ROBO1: variants seen among roughly 807,000 people sequenced by gnomAD.
ROBO1 encodes the protein roundabout guidance receptor 1.
Under a neutral mutation model 195.9 loss-of-function variants are expected in ROBO1, and 149 were observed. The ratio of observed to expected loss-of-function variants is 0.76; its 90% CI spans 0.67 to 0.87. The LOEUF is 0.87. Among genes scored for constraint, ROBO1 ranks in the 40% least tolerant of loss-of-function variants. ROBO1 has a pLI of 0.00. For missense variants in ROBO1, 1,933 were observed against 2,068.3 expected, an observed-to-expected ratio of 0.93 and a Z score of 1.27; for synonymous variants, 816 against 733.2, an observed-to-expected ratio of 1.11 and a Z score of -1.82.
chr3:79,372,197 A>G (rs2036220347), intron 2 of ROBO1, among the ~76,000 whole-genome samples: 1 of 130,122 alleles, frequency 7.7e-6, no homozygotes, highest in South Asian at 2.7e-4. Context: ...CCCCTGTTCT[A>G]GCATTCTTTT....
chr3:78,617,517 A>AC (rs1431246865), intron 27 of ROBO1, 118 bp downstream of exon 27: 2 of 1,136,780 alleles, frequency 1.8e-6, no homozygotes, highest in East Asian at 2.7e-5. Flanking sequence ...AAAAAAAAAA[A>AC]AAAACTGTAA....
chr3:79,053,655 G>C (rs2078747026), intron 3 of ROBO1, among the ~76,000 whole-genome samples: 2 of 151,646 alleles, frequency 1.3e-5, no homozygotes, highest in South Asian at 4.2e-4. Flanking sequence ...GTACGCTTCT[G>C]CTCCTTCTGC....
intron 2 of ROBO1, among the ~76,000 whole-genome samples, chr3:79,200,650 C>T (rs2081745794): frequency 6.6e-6 from 1 of 151,696 alleles, no homozygotes; most frequent in African/African-American, 2.4e-5. Flanking sequence ...GCAACAAAAG[C>T]ACACAAAAAT....
intron 1 of ROBO1, 38 bp from the exon 2 acceptor site, chr3:79,589,999 G>T: frequency 1.2e-6 from 1 of 846,842 alleles, no homozygotes; most frequent in Non-Finnish European, 1.9e-6. Context: ...GTAATGGTTA[G>T]CTATGCTGAG....
intron 10 of ROBO1, among the ~76,000 whole-genome samples, chr3:78,674,521 A>G (rs2107743085): frequency 6.6e-6 from 1 of 152,346 alleles, no homozygotes; most frequent in East Asian, 1.9e-4. Context: ...AAAGCAAACA[A>G]AACTTAAAAA....
chr3:79,597,566 T>C (rs967285403), intron 1 of ROBO1, among the ~76,000 whole-genome samples: 1 of 152,036 alleles, frequency 6.6e-6, no homozygotes, highest in African/African-American at 2.4e-5. Context: ...TTCATATGTA[T>C]TTAGGAAACT....
chr3:79,190,189 G>A (rs146867951), intron 2 of ROBO1, among the ~76,000 whole-genome samples: 1 of 151,590 alleles, frequency 6.6e-6, no homozygotes, highest in African/African-American at 2.4e-5. Context: ...GTTCAGAAAT[G>A]CATTCTGATT....
At chr3:79,752,613 G>T (rs1704180061) in intron 1 of ROBO1, among the ~76,000 whole-genome samples, 1 of 152,086 alleles carries the variant, frequency 6.6e-6, no homozygotes, top group Non-Finnish European at 1.5e-5. Flanking sequence ...TATTCTGCAG[G>T]CAGTAAAGCA....
At chr3:79,352,660 C>T (rs1419952118) in intron 2 of ROBO1, among the ~76,000 whole-genome samples, 1 of 152,136 alleles carries the variant, frequency 6.6e-6, no homozygotes, top group South Asian at 2.1e-4. Context: ...ACACTCTGTT[C>T]CCTCCACCCA....
intron 2 of ROBO1, among the ~76,000 whole-genome samples, chr3:79,172,057 A>G (rs1250558683): frequency 6.6e-6 from 1 of 152,162 alleles, no homozygotes; most frequent in African/African-American, 2.4e-5. Flanking sequence ...AATCAAGCCA[A>G]AAGGGAGACT....
intron 3 of ROBO1, among the ~76,000 whole-genome samples, chr3:78,992,816 T>A (rs995223678): frequency 6.6e-6 from 1 of 152,168 alleles, no homozygotes; most frequent in Non-Finnish European, 1.5e-5. Flanking sequence ...AATTCAAGCA[T>A]GTCTGTGTAC....
At chr3:79,756,374 A>ACCC (rs1704396796) in intron 1 of ROBO1, among the ~76,000 whole-genome samples, 1 of 151,978 alleles carries the variant, frequency 6.6e-6, no homozygotes. Context: ...ACAAGGTGAA[A>ACCC]CCCTGTCTCT....
chr3:78,870,460 T>A (rs956697301), intron 4 of ROBO1, among the ~76,000 whole-genome samples: 2 of 152,194 alleles, frequency 1.3e-5, no homozygotes, highest in African/African-American at 4.8e-5. Context: ...CACACAGTAT[T>A]CTCAGAAGGA....
intron 10 of ROBO1, among the ~76,000 whole-genome samples, chr3:78,671,697 C>T (rs7653782): frequency 0.3 from 44,810 of 151,702 alleles, 7,194 homozygotes; most frequent in African/African-American, 0.42. Context: ...TCTTGGTTAC[C>T]AGGGTGAAAT....
At chr3:79,372,051 C>A (rs1272108247) in intron 2 of ROBO1, among the ~76,000 whole-genome samples, 1 of 151,978 alleles carries the variant, frequency 6.6e-6, no homozygotes, top group Non-Finnish European at 1.5e-5. Flanking sequence ...AATCTAGTGC[C>A]GCAGCTGATC....
chr3:78,676,183 C>T (rs1263010754), intron 10 of ROBO1, among the ~76,000 whole-genome samples: 1 of 152,144 alleles, frequency 6.6e-6, no homozygotes, highest in Admixed American at 6.5e-5. Context: ...TATACATCAC[C>T]ATCATCAAAG....
intron 8 of ROBO1, among the ~76,000 whole-genome samples, chr3:78,707,545 G>A (rs2081581989): frequency 6.6e-6 from 1 of 152,260 alleles, no homozygotes. Context: ...TCATGATACT[G>A]TATTTTATAG....
At chr3:79,407,449 C>T (rs2037592296) in intron 2 of ROBO1, among the ~76,000 whole-genome samples, 1 of 152,088 alleles carries the variant, frequency 6.6e-6, no homozygotes, top group Non-Finnish European at 1.5e-5. Flanking sequence ...ATTTATGACA[C>T]TTGTTGTGTT....
At chr3:78,954,194 T>C (rs533155174) in intron 3 of ROBO1, among the ~76,000 whole-genome samples, 1 of 152,102 alleles carries the variant, frequency 6.6e-6, no homozygotes, top group Non-Finnish European at 1.5e-5. Context: ...AACTTACTGT[T>C]TTACTGAGAA....
Sources: allele counts gnomAD v4.1 joint callset (sites outside exome capture counted in the v4.1 genomes callset), GRCh38; gene constraint gnomAD v4.1.1; transcripts MANE v1.5; gene names NCBI Gene and HGNC (gene_info 2026-07-23, HGNC 2026-07-21).